TNKS: variants seen among roughly 807,000 people sequenced by gnomAD.
TNKS encodes the protein tankyrase.
In TNKS, 72 loss-of-function variants were observed where a neutral mutation model predicts 135.8. The ratio of observed to expected loss-of-function variants is 0.53; its 90% CI spans 0.44 to 0.64. TNKS has a LOEUF of 0.64. Among genes scored for constraint, TNKS ranks in the 30% least tolerant of loss-of-function variants. The pLI is 0.00. For synonymous variants in TNKS, 849 were observed against 649.3 expected (o/e 1.31, Z -4.68); for missense variants, 1,769 against 1,674.0 (o/e 1.06, Z -0.99).
intron 5 of TNKS, among the ~76,000 whole-genome samples, chr8:9,701,930 C>T (rs952114892): frequency 8.5e-5 from 13 of 152,106 alleles, no homozygotes; most frequent in Admixed American, 4.6e-4. Flanking sequence ...AAGAACCACA[C>T]GGAAAGATGA....
intron 3 of TNKS, among the ~76,000 whole-genome samples, chr8:9,642,840 G>C (rs1160131350): frequency 6.9e-6 from 1 of 145,902 alleles, no homozygotes; most frequent in Non-Finnish European, 1.5e-5. Context: ...TTTTACCTCT[G>C]TTGGAGAACT....
chr8:9,753,146 A>G (rs1200428087), intron 20 of TNKS, among the ~76,000 whole-genome samples: 1 of 152,156 alleles, frequency 6.6e-6, no homozygotes, highest in Non-Finnish European at 1.5e-5. Context: ...TAAGCAGTCT[A>G]GCACTATGCA....
intron 3 of TNKS, among the ~76,000 whole-genome samples, chr8:9,616,776 A>G (rs1799660718): frequency 6.6e-6 from 1 of 152,208 alleles, no homozygotes; most frequent in African/African-American, 2.4e-5. Context: ...TAACAGTAAC[A>G]TACACTAGAG....
chr8:9,579,723 C>A (rs1050180527), intron 1 of TNKS, among the ~76,000 whole-genome samples: 2 of 152,128 alleles, frequency 1.3e-5, no homozygotes, highest in African/African-American at 4.8e-5. Context: ...CCCACCTCGG[C>A]CTCACACAGT....
At chr8:9,675,349 A>T (rs1463571056) in intron 3 of TNKS, among the ~76,000 whole-genome samples, 1 of 152,344 alleles carries the variant, frequency 6.6e-6, no homozygotes, top group East Asian at 1.9e-4. Context: ...TTATCAATTC[A>T]TGGTACTACT....
chr8:9,773,117 A>C (rs1029375499), intron 26 of TNKS, among the ~76,000 whole-genome samples: 1 of 151,916 alleles, frequency 6.6e-6, no homozygotes. Context: ...CTAGAAAAGA[A>C]GCTTTTTTTT....
In TNKS at chr8:9,568,737, CAGAAA is replaced by C. The variant is rs573210294; in HGVS notation, c.674-11420_674-11416del. 9.4e-3 allele frequency among the ~76,000 whole-genome samples: 1,435 copies of C among 152,258 alleles called. 12 individuals carry two copies. Among genetic ancestry groups the C allele is most frequent in the Non-Finnish European group, 0.014 (962 of 68,016 alleles). ...TATATGAAGAAAATCCTTCTTCAAA[CAGAAA>C]ATGTTGTTGGAAAAGGAAGAAATAT... On this transcript the variant is annotated intron_variant, in intron 1 of 26. Transcript: ENST00000310430.
At chr8:9,771,360 GAGAGAGGA>G (rs1199431864) in intron 26 of TNKS, among the ~76,000 whole-genome samples, 1 of 130,562 alleles carries the variant, frequency 7.7e-6, no homozygotes, top group African/African-American at 3.0e-5. Context: ...GGGAGGGAGA[GAGAGAGGA>G]AGGGAGGGAG....
At chr8:9,705,793 A>G (rs1804013351) in intron 6 of TNKS, among the ~76,000 whole-genome samples, 1 of 152,222 alleles carries the variant, frequency 6.6e-6, no homozygotes, top group Admixed American at 6.5e-5. Flanking sequence ...GCAAGTTATA[A>G]TAGTTTGGAT....
chr8:9,558,103 C>T (rs1275684591), intron 1 of TNKS: 1 of 152,146 alleles, frequency 6.6e-6, no homozygotes, highest in Non-Finnish European at 1.5e-5. Context: ...TTTACATTGT[C>T]ACATACGCAA....
intron 2 of TNKS, among the ~76,000 whole-genome samples, chr8:9,591,099 G>A (rs1374930103): frequency 1.3e-5 from 2 of 152,212 alleles, no homozygotes; most frequent in African/African-American, 2.4e-5. Context: ...AGGGTCCAAC[G>A]TCATGCCTTT....
chr8:9,644,103 C>T (rs188049390), intron 3 of TNKS, among the ~76,000 whole-genome samples: 1 of 152,162 alleles, frequency 6.6e-6, no homozygotes, highest in Admixed American at 6.5e-5. Flanking sequence ...TAGTGGTTGC[C>T]AGGGCCTGAA....
At chr8:9,668,444 G>GT (rs1279718105) in intron 3 of TNKS, among the ~76,000 whole-genome samples, 2 of 152,158 alleles carry the variant, frequency 1.3e-5, no homozygotes, top group Middle Eastern at 3.2e-3. Flanking sequence ...ATTACCAGAG[G>GT]TTAAGAACTT....
intron 14 of TNKS, 84 bp from the exon 15 acceptor site, chr8:9,733,195 G>A (rs989220993): frequency 7.5e-7 from 1 of 1,328,878 alleles, no homozygotes; most frequent in Non-Finnish European, 1.0e-6. Context: ...CAGTACCATA[G>A]AAGAATGGTA....
chr8:9,770,950 TAGA>T (rs948623671), intron 26 of TNKS, among the ~76,000 whole-genome samples: 10 of 152,090 alleles, frequency 6.6e-5, no homozygotes, highest in African/African-American at 9.7e-5. Flanking sequence ...ATTCTCATGG[TAGA>T]AGAAGGGACA....
chr8:9,647,127 A>G (rs1800947970), intron 3 of TNKS, among the ~76,000 whole-genome samples: 1 of 152,334 alleles, frequency 6.6e-6, no homozygotes, highest in South Asian at 2.1e-4. Flanking sequence ...TGTTAAAGGT[A>G]TAACTTTAAA....
intron 1 of TNKS, among the ~76,000 whole-genome samples, chr8:9,567,690 T>C (rs1797601114): frequency 1.3e-5 from 2 of 152,248 alleles, no homozygotes; most frequent in Non-Finnish European, 1.5e-5. Flanking sequence ...GTGGTGGGAT[T>C]ACAGGCCTGA....
chr8:9,692,116 T>C (rs1803302667), intron 5 of TNKS, among the ~76,000 whole-genome samples: 1 of 152,110 alleles, frequency 6.6e-6, no homozygotes, highest in African/African-American at 2.4e-5. Flanking sequence ...CTTGGGTAAA[T>C]TGTGCGTTAC....
chr8:9,582,268 G>C (rs756150846), intron 2 of TNKS, among the ~76,000 whole-genome samples: 2 of 151,880 alleles, frequency 1.3e-5, no homozygotes, highest in Non-Finnish European at 2.9e-5. Flanking sequence ...CTGTAAGGCA[G>C]AGTTCTGCTT....
Sources: allele counts gnomAD v4.1 joint callset (sites outside exome capture counted in the v4.1 genomes callset), GRCh38; gene constraint gnomAD v4.1.1; transcripts MANE v1.5; gene names NCBI Gene and HGNC (gene_info 2026-07-23, HGNC 2026-07-21).